CSF2RA: variants seen among roughly 807,000 people sequenced by gnomAD.
CSF2RA encodes colony stimulating factor 2 receptor subunit alpha.
In CSF2RA, 42 loss-of-function variants were observed where a neutral mutation model predicts 51.6. The observed-to-expected ratio is 0.81, with a 90% CI of 0.64 to 1.05. The LOEUF (loss-of-function observed/expected upper bound fraction) is 1.05, where lower values mean the gene tolerates loss of function less well. CSF2RA is among the 50% of genes least tolerant of loss of function. The pLI is 0.00. For missense variants in CSF2RA, 530 were observed against 501.1 expected, an observed-to-expected ratio of 1.06 and a Z score of -0.55; for synonymous variants, 222 against 193.0, an observed-to-expected ratio of 1.15 and a Z score of -1.24.
downstream of CSF2RA, among the ~76,000 whole-genome samples, chrX:1,314,285 T>TCTGTGCCTGCCCAACCACACA (rs2084335072): frequency 2.1e-5 from 1 of 48,314 alleles, no homozygotes; most frequent in African/African-American, 8.9e-5. Flanking sequence ...CCAACCCCAC[T>TCTGTGCCTGCCCAACCACACA]GCATCTGCCC....
chrX:1,306,997 G>C (rs1369634842), intron 12 of CSF2RA, among the ~76,000 whole-genome samples: 1 of 151,732 alleles, frequency 6.6e-6, no homozygotes, highest in African/African-American at 2.4e-5. Context: ...GGAAGACAGA[G>C]GAGTCGGACT....
intron 7 of CSF2RA, among the ~76,000 whole-genome samples, chrX:1,293,270 G>A (rs1452337758): frequency 6.6e-6 from 1 of 152,082 alleles, no homozygotes; most frequent in South Asian, 2.1e-4. Context: ...CCAGGCTGGA[G>A]GGCAGTGGCG....
the CSF2RA span, among the ~76,000 whole-genome samples, chrX:1,320,096 C>T: frequency 5.9e-5 from 9 of 152,074 alleles, no homozygotes; most frequent in South Asian, 1.2e-3. Context: ...GGGATTTCAC[C>T]ATGTTAGCCA....
At chrX:1,272,428 A>T (rs1411313469) in intron 1 of CSF2RA, among the ~76,000 whole-genome samples, 1 of 150,590 alleles carries the variant, frequency 6.6e-6, no homozygotes, top group African/African-American at 2.4e-5. Context: ...AATTCTATTG[A>T]GGAGCAATAT....
chrX:1,305,624 C>A (rs768676189), intron 12 of CSF2RA, 97 bp downstream of exon 12: 2 of 1,613,624 alleles, frequency 1.2e-6, no homozygotes, highest in Non-Finnish European at 1.7e-6. Flanking sequence ...TGCTTCTCCA[C>A]CAGATGGGAC....
the CSF2RA span, among the ~76,000 whole-genome samples, chrX:1,316,092 G>GATAA: frequency 1.5e-5 from 2 of 135,018 alleles, no homozygotes; most frequent in Admixed American, 7.3e-5. Flanking sequence ...TAGATAAATG[G>GATAA]ATAGATAGAC....
chrX:1,299,534 C>T (rs2092233456), intron 9 of CSF2RA, among the ~76,000 whole-genome samples: 1 of 152,186 alleles, frequency 6.6e-6, no homozygotes, highest in Admixed American at 6.5e-5. Context: ...TGTCCTGCCT[C>T]AGCCTCCCTA....
At chrX:1,287,017 G>C (rs1231554876) in intron 4 of CSF2RA, among the ~76,000 whole-genome samples, 4 of 151,904 alleles carry the variant, frequency 2.6e-5, no homozygotes, top group Non-Finnish European at 5.9e-5. Flanking sequence ...ATGGATGATC[G>C]ATAGATAGGT....
At chrX:1,305,735 A>G in intron 12 of CSF2RA, 1 of 1,552,294 alleles carries the variant, frequency 6.4e-7, no homozygotes, top group Non-Finnish European at 8.7e-7. Flanking sequence ...CATCTCTGTG[A>G]GCTCCATCAG....
chrX:1,273,753 T>TG (rs1250228423), intron 1 of CSF2RA, among the ~76,000 whole-genome samples: 43,718 of 125,762 alleles, frequency 0.35, 7,482 homozygotes, highest in African/African-American at 0.5. Flanking sequence ...GCTAATTTTT[T>TG]TTTTTTTTTT....
chrX:1,306,160 TGGA>T (rs1411432299), intron 12 of CSF2RA, among the ~76,000 whole-genome samples: 2 of 148,510 alleles, frequency 1.3e-5, no homozygotes, highest in African/African-American at 5.0e-5. Context: ...GGGAGAGAGA[TGGA>T]GGAGAGAGAG....
intron 11 of CSF2RA, among the ~76,000 whole-genome samples, chrX:1,305,076 C>G (rs1300552436): frequency 6.6e-6 from 1 of 151,398 alleles, no homozygotes; most frequent in African/African-American, 2.4e-5. Context: ...TCACTGCAAC[C>G]TCCACCTCCC....
At chrX:1,276,536 G>A (rs1227649198) in intron 2 of CSF2RA, among the ~76,000 whole-genome samples, 8 of 151,294 alleles carry the variant, frequency 5.3e-5, no homozygotes, top group Non-Finnish European at 8.8e-5. Context: ...ATCACACCCG[G>A]CTAGTATTTG....
chrX:1,301,062 A>C (rs1198389918), intron 10 of CSF2RA, among the ~76,000 whole-genome samples: 1 of 151,714 alleles, frequency 6.6e-6, no homozygotes, highest in Non-Finnish European at 1.5e-5. Flanking sequence ...CTGAGGCAGG[A>C]GAATCACTTG....
At chrX:1,269,162 G>A (rs181324541) in intron 1 of CSF2RA, among the ~76,000 whole-genome samples, 2 of 152,036 alleles carry the variant, frequency 1.3e-5, no homozygotes, top group African/African-American at 2.4e-5. Flanking sequence ...CAGGGAGGGG[G>A]CTTCTGTGAA....
chrX:1,269,684 G>C (rs2088116058), intron 1 of CSF2RA, among the ~76,000 whole-genome samples: 2 of 151,704 alleles, frequency 1.3e-5, no homozygotes, highest in African/African-American at 4.8e-5. Context: ...GAAAGGGGGA[G>C]GGAGTGTGAT....
chrX:1,271,227 T>C (rs112523186), intron 1 of CSF2RA, among the ~76,000 whole-genome samples: 30,204 of 64,902 alleles, frequency 0.47, 8,168 homozygotes, highest in Middle Eastern at 0.62. Flanking sequence ...GCGCGATCTC[T>C]GCTCACCGCA....
At chrX:1,324,181 C>T in the CSF2RA span, among the ~76,000 whole-genome samples, 1 of 150,240 alleles carries the variant, frequency 6.7e-6, no homozygotes, top group Non-Finnish European at 1.5e-5. Flanking sequence ...TGTAACTCTG[C>T]CTTTAAAAAC....
At chrX:1,306,025 T>C (rs766820860) in intron 12 of CSF2RA, 2 of 491,378 alleles carry the variant, frequency 4.1e-6, no homozygotes, top group Non-Finnish European at 7.4e-6. Context: ...GAGGTTGCAG[T>C]GAGCCGAGAT....
Sources: allele counts gnomAD v4.1 joint callset (sites outside exome capture counted in the v4.1 genomes callset), GRCh38; gene constraint gnomAD v4.1.1; transcripts MANE v1.5; gene names NCBI Gene and HGNC (gene_info 2026-07-23, HGNC 2026-07-21).